Variants in COL19A1 observed in about 807,000 individuals in gnomAD.
COL19A1 encodes collagen type XIX alpha 1 chain.
A neutral mutation model predicts 190.2 loss-of-function variants in COL19A1; 159 were observed. The observed-to-expected ratio is 0.84, with a 90% CI of 0.73 to 0.95. The LOEUF (loss-of-function observed/expected upper bound fraction) is 0.95, where lower values mean the gene tolerates loss of function less well. COL19A1 is among the 40% of genes least tolerant of loss of function. The pLI is 0.00. For synonymous variants in COL19A1, 509 were observed against 458.9 expected (o/e 1.11, Z -1.39); for missense variants, 1,418 against 1,431.9 (o/e 0.99, Z 0.16).
chr6:69,876,965 A>C (rs1013173479), intron 1 of COL19A1, among the ~76,000 whole-genome samples: 1 of 152,220 alleles, frequency 6.6e-6, no homozygotes, highest in Non-Finnish European at 1.5e-5. Flanking sequence ...ACTTCTAGCT[A>C]TTCACCCAGA....
chr6:70,191,423 G>A (rs1480223561), intron 48 of COL19A1, among the ~76,000 whole-genome samples: 6 of 152,052 alleles, frequency 3.9e-5, no homozygotes, highest in African/African-American at 1.4e-4. Context: ...CTCTTGAAGA[G>A]CAGGTTGGCT....
chr6:70,102,770 G>T (rs1783716287), intron 16 of COL19A1, among the ~76,000 whole-genome samples: 1 of 151,996 alleles, frequency 6.6e-6, no homozygotes, highest in South Asian at 2.1e-4. Flanking sequence ...TAACTCTGCA[G>T]CCTATGAGAG....
intron 5 of COL19A1, 123 bp downstream of exon 5, chr6:69,928,155 G>T: frequency 2.4e-6 from 3 of 1,255,146 alleles, no homozygotes; most frequent in Non-Finnish European, 3.3e-6. Context: ...CCTTTAGAGG[G>T]ATCATCAACA....
rs1004405675 is a variant in COL19A1 at position 69,952,996 on chromosome 6, G to A, written c.937-7000G>A. ...AAGCTAGAGAATTTTAAGCCATTTG[G>A]CTTCCTCTCTATATTTCTAGCCTCA... is the stretch of plus-strand genomic sequence containing the variant. On this transcript the variant is annotated intron_variant, in intron 9 of 50. Coordinates refer to ENST00000620364, the MANE Select transcript of COL19A1 (RefSeq NM_001858.6). 3.2e-4 allele frequency among the ~76,000 whole-genome samples: 49 copies of A among 151,864 alleles called. 1 individual carries two copies. Among genetic ancestry groups the A allele is most frequent in the Admixed American group, 3.2e-3 (48 of 15,210 alleles).
chr6:69,921,427 C>G (rs1240090332), intron 4 of COL19A1, among the ~76,000 whole-genome samples: 4 of 115,430 alleles, frequency 3.5e-5, no homozygotes, highest in African/African-American at 1.1e-4. Context: ...TCATATATAT[C>G]ATATATATCA....
intron 9 of COL19A1, among the ~76,000 whole-genome samples, chr6:69,939,498 T>C (rs2150023209): frequency 6.6e-6 from 1 of 152,244 alleles, no homozygotes; most frequent in Non-Finnish European, 1.5e-5. Flanking sequence ...CAAACTGGGA[T>C]CTGAAACCAG....
At chr6:69,914,130 C>T (rs886411906) in intron 4 of COL19A1, among the ~76,000 whole-genome samples, 1 of 152,122 alleles carries the variant, frequency 6.6e-6, no homozygotes, top group Non-Finnish European at 1.5e-5. Flanking sequence ...CCACATTGAA[C>T]TAGTGCTAAT....
intron 25 of COL19A1, 23 bp from the exon 26 acceptor site, chr6:70,146,636 T>C (rs752808623): frequency 1.3e-6 from 2 of 1,588,122 alleles, no homozygotes; most frequent in Admixed American, 1.7e-5. Context: ...AGAAGATATG[T>C]ATTCATACTT....
At chr6:70,150,146 G>A (rs558765153) in intron 30 of COL19A1, 101 bp downstream of exon 30, 19 of 1,174,572 alleles carry the variant, frequency 1.6e-5, no homozygotes, top group South Asian at 1.5e-4. Context: ...TAGAATGCTC[G>A]GTGACTGCTT....
chr6:70,052,343 C>T lies in COL19A1; in HGVS notation c.1171-16080C>T, dbSNP rs551635133. On this transcript the variant is annotated intron_variant, in intron 14 of 50. Transcript: ENST00000620364. ...AGTTCAGAACCTAGAGCAGTTAGTG[C>T]CTCACTCACAAGATAAATAGAAATG... Among the ~76,000 whole-genome samples, 300 of 152,252 alleles carry T rather than the reference C, an allele frequency of 2.0e-3. 1 individual carries two copies. Among genetic ancestry groups the T allele is most frequent in the African/African-American group, 6.9e-3 (288 of 41,560 alleles).
At chr6:70,046,576 C>G (rs937430662) in intron 14 of COL19A1, among the ~76,000 whole-genome samples, 5 of 151,988 alleles carry the variant, frequency 3.3e-5, no homozygotes, top group Non-Finnish European at 5.9e-5. Context: ...TGTTCTGATT[C>G]AGTGCACTGG....
intron 4 of COL19A1, among the ~76,000 whole-genome samples, chr6:69,921,131 TCA>T (rs1491339466): frequency 2.4e-5 from 3 of 122,608 alleles, no homozygotes; most frequent in Non-Finnish European, 4.7e-5. Flanking sequence ...CACATATGTA[TCA>T]CATATATATC....
chr6:70,057,132 A>G (rs1320364441), intron 14 of COL19A1, among the ~76,000 whole-genome samples: 1 of 152,200 alleles, frequency 6.6e-6, no homozygotes, highest in African/African-American at 2.4e-5. Flanking sequence ...TTCTGTCTGC[A>G]GTAGAACCAT....
At chr6:69,976,658 G>C (rs1239168984) in intron 11 of COL19A1, among the ~76,000 whole-genome samples, 1 of 152,136 alleles carries the variant, frequency 6.6e-6, no homozygotes, top group East Asian at 1.9e-4. Flanking sequence ...AAATGAAACA[G>C]TTCATTGTAA....
intron 42 of COL19A1, among the ~76,000 whole-genome samples, chr6:70,177,777 C>T (rs1396169133): frequency 6.6e-6 from 1 of 152,182 alleles, no homozygotes; most frequent in Non-Finnish European, 1.5e-5. Flanking sequence ...CTTATACTCA[C>T]ATCCTGTGAT....
At chr6:70,053,729 C>T (rs115747419) in intron 14 of COL19A1, among the ~76,000 whole-genome samples, 2 of 152,212 alleles carry the variant, frequency 1.3e-5, no homozygotes, top group African/African-American at 2.4e-5. Context: ...ACATTTTTAA[C>T]GTTCAGTCTT....
intron 16 of COL19A1, among the ~76,000 whole-genome samples, chr6:70,112,709 C>T (rs192920774): frequency 3.3e-5 from 5 of 152,126 alleles, no homozygotes; most frequent in Non-Finnish European, 7.4e-5. Context: ...GTTAATTATG[C>T]CCATTGAATG....
intron 35 of COL19A1, 81 bp downstream of exon 35, chr6:70,162,034 T>G (rs2150259989): frequency 7.7e-7 from 1 of 1,301,136 alleles, no homozygotes; most frequent in Non-Finnish European, 1.1e-6. Context: ...CTTCATTGCC[T>G]TTTGTTCTCT....
intron 11 of COL19A1, among the ~76,000 whole-genome samples, chr6:70,016,354 C>T: frequency 1.4e-5 from 1 of 70,926 alleles, no homozygotes; most frequent in Non-Finnish European, 2.4e-5. Context: ...TACCCTAAAA[C>T]TTAGAGTATA....
Sources: allele counts gnomAD v4.1 joint callset (sites outside exome capture counted in the v4.1 genomes callset), GRCh38; gene constraint gnomAD v4.1.1; transcripts MANE v1.5; gene names NCBI Gene and HGNC (gene_info 2026-07-23, HGNC 2026-07-21).